Variants in LAMA2 observed in about 807,000 individuals in gnomAD.
The protein encoded by LAMA2 is laminin subunit alpha-2.
LAMA2 carries 269 observed loss-of-function variants against 364.8 expected under a neutral mutation model. The ratio of observed to expected loss-of-function variants is 0.74; its 90% CI spans 0.67 to 0.82. The LOEUF (loss-of-function observed/expected upper bound fraction) is 0.82, where lower values mean the gene tolerates loss of function less well. LAMA2 is among the 40% of genes least tolerant of loss of function. The pLI, the probability that LAMA2 is intolerant of heterozygous loss-of-function variation, is 0.00. For synonymous variants in LAMA2, 1,379 were observed against 1,370.6 expected (o/e 1.01, Z -0.14); for missense variants, 3,807 against 3,873.2 (o/e 0.98, Z 0.45).
chr6:128,970,422 C>A (rs909981202), intron 1 of LAMA2, among the ~76,000 whole-genome samples: 6 of 152,140 alleles, frequency 3.9e-5, no homozygotes, highest in Non-Finnish European at 5.9e-5. Context: ...TGTTAAGAGT[C>A]TGTAAGAGTT....
chr6:129,159,929 A>C (rs1414594259), intron 8 of LAMA2, among the ~76,000 whole-genome samples: 1 of 152,230 alleles, frequency 6.6e-6, no homozygotes, highest in East Asian at 1.9e-4. Flanking sequence ...ATATGAAGGC[A>C]GCTTTGCATT....
chr6:129,339,171 A>G (rs566462983), intron 29 of LAMA2, among the ~76,000 whole-genome samples: 1 of 152,360 alleles, frequency 6.6e-6, no homozygotes, highest in Non-Finnish European at 1.5e-5. Flanking sequence ...CTAAAAGGCT[A>G]TTCTAATAAT....
At chr6:129,512,782 AAC>A (rs1484794568) in intron 63 of LAMA2, among the ~76,000 whole-genome samples, 1 of 152,176 alleles carries the variant, frequency 6.6e-6, no homozygotes, top group African/African-American at 2.4e-5. Flanking sequence ...TGTTGCTATA[AAC>A]ACACTCTTAT....
At chr6:129,493,730 A>G (rs1785006262) in intron 58 of LAMA2, among the ~76,000 whole-genome samples, 2 of 152,150 alleles carry the variant, frequency 1.3e-5, no homozygotes, top group Non-Finnish European at 2.9e-5. Flanking sequence ...TAGTCTTTCT[A>G]CTTTTAGTCG....
At chr6:129,455,100 G>T (rs886689418) in intron 47 of LAMA2, among the ~76,000 whole-genome samples, 8 of 152,056 alleles carry the variant, frequency 5.3e-5, no homozygotes, top group Admixed American at 2.0e-4. Flanking sequence ...ATGTGCAATG[G>T]CATGTGCTGT....
intron 34 of LAMA2, among the ~76,000 whole-genome samples, chr6:129,380,989 T>C (rs1257701100): frequency 6.6e-6 from 1 of 152,238 alleles, no homozygotes; most frequent in African/African-American, 2.4e-5. Context: ...AAAGAGACAG[T>C]GTATGATATA....
intron 3 of LAMA2, among the ~76,000 whole-genome samples, chr6:129,073,399 T>C (rs1193867364): frequency 6.6e-6 from 1 of 152,202 alleles, no homozygotes; most frequent in African/African-American, 2.4e-5. Flanking sequence ...TTCTAGATTC[T>C]GTGGATCAAT....
At chr6:129,365,559 C>T (rs1305410290) in intron 32 of LAMA2, among the ~76,000 whole-genome samples, 7 of 152,034 alleles carry the variant, frequency 4.6e-5, no homozygotes, top group African/African-American at 1.4e-4. Context: ...GACAGGGTTT[C>T]ACCATGTTGG....
At chr6:129,268,425 T>A (rs1216504543) in intron 16 of LAMA2, among the ~76,000 whole-genome samples, 1 of 152,014 alleles carries the variant, frequency 6.6e-6, no homozygotes, top group Non-Finnish European at 1.5e-5. Flanking sequence ...CATGGAATTG[T>A]TTTACTTACC....
At chr6:128,941,030 T>G (rs1780120300) in intron 1 of LAMA2, among the ~76,000 whole-genome samples, 1 of 152,184 alleles carries the variant, frequency 6.6e-6, no homozygotes, top group South Asian at 2.1e-4. Flanking sequence ...TGTATAGCAT[T>G]TGTAGGGGTA....
intron 1 of LAMA2, among the ~76,000 whole-genome samples, chr6:128,890,607 T>C (rs1309976114): frequency 6.6e-6 from 1 of 151,860 alleles, no homozygotes; most frequent in Non-Finnish European, 1.5e-5. Context: ...CACACATGTA[T>C]TACTTAAAAC....
rs371672203 is a variant in LAMA2 at position 129,486,387 on chromosome 6, C to T, written c.7750-87C>T. 2.0e-4 allele frequency: 268 copies of T among 1,318,616 alleles called. 1 individual carries two copies. The highest frequency in any genetic ancestry group is 3.9e-4 in the South Asian group (33 of 84,226). The allele number at this position is 1,318,616 out of a possible 1,614,324, so 81.7% of individuals were successfully genotyped here. A position where few individuals can be genotyped will look rare whatever the true frequency, so the allele number is the denominator to read the frequency against. ...TTCTCAGGTAAGATCTCAGAGCAGA[C>T]GAACCTGTGGTTCTGCCAGGGAATC... On this transcript the variant is annotated intron_variant, in intron 55 of 64. Coordinates refer to ENST00000421865, the MANE Select transcript of LAMA2 (RefSeq NM_000426.4).
chr6:129,049,882 C>G (rs1403812636), intron 1 of LAMA2, 36 bp from the exon 2 acceptor site: 3 of 1,587,250 alleles, frequency 1.9e-6, no homozygotes, highest in Non-Finnish European at 2.6e-6. Context: ...AACTTTGTTT[C>G]TGGTCTACAC....
intron 8 of LAMA2, among the ~76,000 whole-genome samples, chr6:129,163,851 C>T (rs1457081711): frequency 6.6e-6 from 1 of 152,100 alleles, no homozygotes; most frequent in East Asian, 1.9e-4. Flanking sequence ...TACTTTTCAG[C>T]TTTCTGGAGT....
chr6:129,185,263 A>G (rs1172071786), intron 10 of LAMA2, among the ~76,000 whole-genome samples: 1 of 151,930 alleles, frequency 6.6e-6, no homozygotes, highest in Non-Finnish European at 1.5e-5. Flanking sequence ...GAAAGAATAC[A>G]AGAAAACTAC....
In LAMA2 at chr6:129,143,977, G is replaced by A. The variant is rs776777494; in HGVS notation, c.716G>A (p.Arg239His). The change falls in exon 5 of 65, where the codon CGC becomes CAC. Residue 239 changes from arginine to histidine, a missense_variant. By Grantham distance (29) the Arg-to-His change is conservative. This residue lies in a region of LAMA2 where 394 missense variants were observed against 403.5 expected (regional missense o/e 0.98). Transcript: ENST00000421865. ...SPELLEFTSA[R>H]YIRLRFQRIR... ...GAACTGCTAGAATTTACCTCCGCTC[G>A]CTATATTCGCCTGAGATTTCAGAGG... is the stretch of plus-strand genomic sequence containing the variant. The A allele has an allele frequency of 4.3e-5, 69 of 1,612,034 alleles. No individual in the cohort carries two copies. In the East Asian group the frequency reaches 6.2e-4, roughly 15 times the overall value.
At chr6:129,167,442 G>A (rs1357649740) in intron 9 of LAMA2, among the ~76,000 whole-genome samples, 1 of 151,758 alleles carries the variant, frequency 6.6e-6, no homozygotes, top group African/African-American at 2.4e-5. Flanking sequence ...ATCGTTTACT[G>A]AGAATGATGT....
At chr6:129,186,824 C>T (rs1046571864) in intron 10 of LAMA2, among the ~76,000 whole-genome samples, 5 of 151,612 alleles carry the variant, frequency 3.3e-5, no homozygotes, top group Non-Finnish European at 7.4e-5. Context: ...TCTATTTCTC[C>T]AAGTAGAAAC....
chr6:129,304,915 A>T (rs1010369694), intron 22 of LAMA2, among the ~76,000 whole-genome samples: 4 of 152,190 alleles, frequency 2.6e-5, no homozygotes, highest in African/African-American at 9.7e-5. Flanking sequence ...TTATTATAAC[A>T]TGTGCACTTG....
Sources: gnomAD v4.1 joint callset for allele counts (sites outside exome capture counted in the v4.1 genomes callset) on GRCh38, gnomAD v4.1.1 for gene constraint, gnomAD v4.1.1 regional missense constraint, MANE v1.5 for transcripts, NCBI Gene and HGNC (gene_info 2026-07-23, HGNC 2026-07-21) for gene names.